NDRG3: variants seen among roughly 807,000 people sequenced by gnomAD.
NDRG3 encodes protein NDRG3.
NDRG3 carries 23 observed loss-of-function variants against 57.2 expected under a neutral mutation model. That is an observed-to-expected ratio of 0.40 (90% CI 0.29 to 0.57). The LOEUF (loss-of-function observed/expected upper bound fraction) is 0.57. Ranked by LOEUF, NDRG3 falls within the 20% of genes least tolerant of loss-of-function variation. NDRG3 has a pLI of 0.42. For missense variants in NDRG3, 384 were observed against 457.3 expected (o/e 0.84, Z 1.46); for synonymous variants, 132 against 162.6 (o/e 0.81, Z 1.43).
At chr20:36,693,143 C>CAT (rs1264945963) in intron 3 of NDRG3, among the ~76,000 whole-genome samples, 4 of 24,632 alleles carry the variant, frequency 1.6e-4, no homozygotes, top group South Asian at 3.5e-3. Flanking sequence ...TATATATATA[C>CAT]ACACACACAC....
intron 1 of NDRG3, among the ~76,000 whole-genome samples, chr20:36,741,143 C>T (rs1985909360): frequency 6.6e-6 from 1 of 152,174 alleles, no homozygotes; most frequent in Non-Finnish European, 1.5e-5. Context: ...CCAGAATCTC[C>T]CATTTGGCCT....
chr20:36,725,667 C>T (rs941270647), intron 1 of NDRG3, among the ~76,000 whole-genome samples: 22 of 150,454 alleles, frequency 1.5e-4, no homozygotes, highest in African/African-American at 5.4e-4. Context: ...AGATAATTTA[C>T]TCATTGTCCT....
At chr20:36,734,922 T>C (rs1600974395) in intron 1 of NDRG3, among the ~76,000 whole-genome samples, 1 of 152,122 alleles carries the variant, frequency 6.6e-6, no homozygotes, top group South Asian at 2.1e-4. Flanking sequence ...AGAAGTTTCA[T>C]GGAGGAGGTA....
chr20:36,674,595 C>CTTTTT (rs561643631), intron 8 of NDRG3, among the ~76,000 whole-genome samples: 2 of 116,848 alleles, frequency 1.7e-5, no homozygotes, highest in South Asian at 2.8e-4. Context: ...ATCAATAAAG[C>CTTTTT]TTTTTTTTTT....
intron 12 of NDRG3, among the ~76,000 whole-genome samples, chr20:36,664,505 T>C (rs571683156): frequency 6.6e-6 from 1 of 152,238 alleles, no homozygotes; most frequent in African/African-American, 2.4e-5. Context: ...GGTGTTTAGT[T>C]GTACTACTTG....
chr20:36,684,356 A>G, intron 6 of NDRG3, 57 bp downstream of exon 6: 2 of 1,412,824 alleles, frequency 1.4e-6, no homozygotes, highest in Non-Finnish European at 2.0e-6. Context: ...CAGACACTAA[A>G]TAATTCACCA....
rs188552187 is a variant in NDRG3 at position 36,702,672 on chromosome 20, T to C, written c.93+4300A>G. Among the ~76,000 whole-genome samples the C allele has an allele frequency of 4.5e-3, 685 of 151,472 alleles. 4 individuals are homozygous for C. Among genetic ancestry groups the C allele is most frequent in the African/African-American group, 0.016 (654 of 41,336 alleles). On this transcript the variant is annotated intron_variant, in intron 3 of 15. Transcript: ENST00000349004. ...CCAAACAGCTGGGATTACAGGCACCTGCCACCATGCCCAGCTAATTTTTTT... is the reference window on the plus strand; with the variant it reads ...CCAAACAGCTGGGATTACAGGCACCCGCCACCATGCCCAGCTAATTTTTTT...
chr20:36,674,821 C>A lies in NDRG3; in HGVS notation c.532-3424G>T, dbSNP rs1008994566. Among the ~76,000 whole-genome samples, 5 of 147,284 alleles carry A rather than the reference C, an allele frequency of 3.4e-5. No homozygotes were observed. In the Admixed American group the frequency reaches 3.4e-4, roughly 10 times the overall value. Reference sequence around the variant, plus strand: ...CTGGTCTTAAACTCCTGGCCTCAAGCGATCCTCCTGTCTTGGCCTCCCAAA... The same window carrying A: ...CTGGTCTTAAACTCCTGGCCTCAAGAGATCCTCCTGTCTTGGCCTCCCAAA... On this transcript the variant is annotated intron_variant, in intron 8 of 15. Coordinates refer to ENST00000349004, the MANE Select transcript of NDRG3 (RefSeq NM_032013.4).
chr20:36,739,021 G>A (rs1488255718), intron 1 of NDRG3, among the ~76,000 whole-genome samples: 1 of 149,610 alleles, frequency 6.7e-6, no homozygotes, highest in East Asian at 2.0e-4. Context: ...CTACTTCCCA[G>A]CTACTCAGGA....
intron 3 of NDRG3, among the ~76,000 whole-genome samples, chr20:36,695,518 G>C (rs536611488): frequency 1.3e-5 from 2 of 152,250 alleles, no homozygotes; most frequent in Admixed American, 1.3e-4. Context: ...CGCATTCCTG[G>C]GGGGACGGAG....
At chr20:36,735,336 G>A (rs748583273) in intron 1 of NDRG3, among the ~76,000 whole-genome samples, 6 of 152,132 alleles carry the variant, frequency 3.9e-5, no homozygotes, top group Non-Finnish European at 7.4e-5. Context: ...TTCAGATTAG[G>A]GATGCTCAAC....
chr20:36,682,974 G>A (rs564410457), intron 6 of NDRG3, among the ~76,000 whole-genome samples: 2 of 152,094 alleles, frequency 1.3e-5, no homozygotes, highest in South Asian at 4.2e-4. Flanking sequence ...TGGGCACGGT[G>A]GCTCACGCCT....
At chr20:36,660,440 G>A (rs1057419834) in intron 12 of NDRG3, 56 bp from the exon 13 acceptor site, 13 of 1,312,276 alleles carry the variant, frequency 9.9e-6, no homozygotes, top group Non-Finnish European at 1.2e-5. Context: ...GAAAAAAAAC[G>A]AAATAGCTCG....
At chr20:36,715,818 C>T (rs79346263) in intron 2 of NDRG3, among the ~76,000 whole-genome samples, 4,926 of 151,094 alleles carry the variant, frequency 0.033, 300 homozygotes, top group African/African-American at 0.11. Context: ...ATGACAGAGA[C>T]CCTGTCTCAA....
chr20:36,685,168 C>T (rs1026932796), intron 5 of NDRG3, among the ~76,000 whole-genome samples: 1 of 152,020 alleles, frequency 6.6e-6, no homozygotes, highest in African/African-American at 2.4e-5. Context: ...TGGTCTACTG[C>T]TATATTTAGG....
chr20:36,654,700 T>C (rs1023949034), intron 15 of NDRG3: 5 of 754,610 alleles, frequency 6.6e-6, no homozygotes, highest in African/African-American at 5.1e-5. Flanking sequence ...CCACGTTCTA[T>C]CGGGCTCTCA....
At chr20:36,660,567 TA>T (rs200711430) in intron 12 of NDRG3, among the ~76,000 whole-genome samples, 183 bp from the exon 13 acceptor site, 58 of 150,310 alleles carry the variant, frequency 3.9e-4, no homozygotes, top group African/African-American at 5.2e-4. Flanking sequence ...TTTATTTATT[TA>T]TTTTTTTTTT....
At chr20:36,685,028 G>C (rs928313772) in intron 5 of NDRG3, among the ~76,000 whole-genome samples, 1 of 152,054 alleles carries the variant, frequency 6.6e-6, no homozygotes, top group African/African-American at 2.4e-5. Flanking sequence ...TGGGACCAGA[G>C]GGTGCCACAT....
chr20:36,705,006 G>C (rs530928928), intron 3 of NDRG3, among the ~76,000 whole-genome samples: 1 of 152,220 alleles, frequency 6.6e-6, no homozygotes, highest in South Asian at 2.1e-4. Context: ...TTAATTTCCT[G>C]ACTATAAAAC....
Sources: allele counts gnomAD v4.1 joint callset (sites outside exome capture counted in the v4.1 genomes callset), GRCh38; gene constraint gnomAD v4.1.1; transcripts MANE v1.5; gene names NCBI Gene and HGNC (gene_info 2026-07-23, HGNC 2026-07-21).